The following CDKN2AIPNL variants were observed in gnomAD, a reference collection of about 807,000 sequenced individuals.
The protein encoded by CDKN2AIPNL is XRN2 binding domain containing 1.
Under a neutral mutation model 12.9 loss-of-function variants are expected in CDKN2AIPNL, and 9 were observed. That is an observed-to-expected ratio of 0.70 (90% CI 0.42 to 1.22). The LOEUF (loss-of-function observed/expected upper bound fraction) is 1.22, where lower values mean the gene tolerates loss of function less well. Among genes scored for constraint, CDKN2AIPNL ranks in the 50% most tolerant of loss-of-function variants. The pLI, the probability that CDKN2AIPNL is intolerant of heterozygous loss-of-function variation, is 0.00. For synonymous variants in CDKN2AIPNL, 53 were observed against 61.7 expected, an observed-to-expected ratio of 0.86 and a Z score of 0.66; for missense variants, 143 against 153.6, an observed-to-expected ratio of 0.93 and a Z score of 0.37.
chr5:134,403,537 A>G (rs1759058594), intron 2 of CDKN2AIPNL, among the ~76,000 whole-genome samples: 1 of 152,224 alleles, frequency 6.6e-6, no homozygotes, highest in South Asian at 2.1e-4. Flanking sequence ...TTTCCTTAAC[A>G]TTTAGCAGTG....
chr5:134,409,037 G>C (rs935071434), intron 2 of CDKN2AIPNL, among the ~76,000 whole-genome samples: 1 of 152,006 alleles, frequency 6.6e-6, no homozygotes, highest in East Asian at 1.9e-4. Context: ...TGTTTCTAAG[G>C]GCAGACCTAA....
intron 2 of CDKN2AIPNL, among the ~76,000 whole-genome samples, chr5:134,405,226 C>T (rs1455747688): frequency 6.6e-6 from 1 of 151,382 alleles, no homozygotes. Flanking sequence ...CTGCCTCAGC[C>T]TCCCGAGTAG....
chr5:134,408,665 A>G (rs890990884), intron 2 of CDKN2AIPNL, among the ~76,000 whole-genome samples: 1 of 152,116 alleles, frequency 6.6e-6, no homozygotes, highest in Non-Finnish European at 1.5e-5. Flanking sequence ...AGCCTGGGCG[A>G]CACAGGGAGA....
At chr5:134,408,569 C>T (rs1759142478) in intron 2 of CDKN2AIPNL, among the ~76,000 whole-genome samples, 1 of 150,682 alleles carries the variant, frequency 6.6e-6, no homozygotes, top group Non-Finnish European at 1.5e-5. Context: ...CCTGTAGTCC[C>T]AGCTACTCAG....
At position 134,402,700 on chromosome 5, in the gene CDKN2AIPNL, T is replaced by A. The variant is rs2149696565; in HGVS notation, c.*215A>T. 1 of 436,810 alleles carries A rather than the reference T, an allele frequency of 2.3e-6. No individual in the cohort carries two copies. Among genetic ancestry groups the A allele is most frequent in the Middle Eastern group, 6.1e-4 (1 of 1,634 alleles). 27.1% of individuals were successfully genotyped at this position (436,810 alleles called of 1,614,324 possible). On this transcript the variant is annotated 3_prime_UTR_variant, in exon 3 of 3. Coordinates refer to ENST00000458198, the MANE Select transcript of CDKN2AIPNL (RefSeq NM_080656.3). Reference sequence around the variant, plus strand: ...CATCTTAGAGTGCATGATTTATAAATACATAAATATCCATGCATACTTTTA... The same window carrying A: ...CATCTTAGAGTGCATGATTTATAAAAACATAAATATCCATGCATACTTTTA...
chr5:134,405,485 C>T (rs1424314535), intron 2 of CDKN2AIPNL, among the ~76,000 whole-genome samples: 2 of 151,680 alleles, frequency 1.3e-5, no homozygotes, highest in East Asian at 1.9e-4. Context: ...GACACGATCT[C>T]GGCTCACTGC....
chr5:134,406,899 C>A (rs545078593), intron 2 of CDKN2AIPNL, among the ~76,000 whole-genome samples: 1 of 152,244 alleles, frequency 6.6e-6, no homozygotes, highest in East Asian at 1.9e-4. Flanking sequence ...CTCTATGCAC[C>A]CTCTAAGTAT....
In CDKN2AIPNL at chr5:134,402,919, C is replaced by G; in HGVS notation, c.347G>C (p.Ser116Thr). The change falls in exon 3 of 3, where the codon AGC becomes ACC. Residue 116 changes from serine to threonine, a missense_variant. By Grantham distance (58) the Ser-to-Thr change is moderately conservative (BLOSUM62 1). Around this residue, in one of 3 missense-constraint regions of CDKN2AIPNL, gnomAD observed 111 missense variants for 111.4 expected, o/e 1.00. Transcript: ENST00000458198. ...TRSELMKKHQ[S>T] The stretch of plus-strand genomic sequence containing the variant: ...AAATGTGATAAATCTTCTGGCTTAG[C>G]TTTGATGCTGGGAAAAAAAGAAAAG... 1 of 1,607,980 alleles carries G rather than the reference C, an allele frequency of 6.2e-7. No individual in the cohort carries two copies. Among genetic ancestry groups the G allele is most frequent in the Non-Finnish European group, 8.5e-7 (1 of 1,179,148 alleles).
intron 2 of CDKN2AIPNL, 85 bp from the exon 3 acceptor site, chr5:134,403,011 A>G: frequency 8.7e-7 from 1 of 1,148,026 alleles, no homozygotes; most frequent in Non-Finnish European, 1.3e-6. Context: ...TATAGCAGTG[A>G]TGTAATATTT....
intron 2 of CDKN2AIPNL, among the ~76,000 whole-genome samples, chr5:134,408,848 T>C (rs1358900138): frequency 2.6e-5 from 4 of 152,134 alleles, no homozygotes; most frequent in African/African-American, 4.8e-5. Flanking sequence ...ACTAAAAGAA[T>C]ACTTTTTTAA....
chr5:134,411,515 TTCAG>T (rs1221496395), intron 1 of CDKN2AIPNL, 97 bp downstream of exon 1: 24 of 1,018,756 alleles, frequency 2.4e-5, no homozygotes, highest in Non-Finnish European at 3.5e-5. Context: ...TGGGCCCGGG[TTCAG>T]TCTGGGGCAG....
intron 1 of CDKN2AIPNL, 107 bp downstream of exon 1, chr5:134,411,509 C>G: frequency 2.1e-6 from 2 of 958,232 alleles, no homozygotes; most frequent in Non-Finnish European, 3.2e-6. Flanking sequence ...GGAGGTTGGG[C>G]CCGGGTTCAG....
intron 2 of CDKN2AIPNL, among the ~76,000 whole-genome samples, chr5:134,409,033 T>C (rs1189797267): frequency 6.6e-6 from 1 of 152,196 alleles, no homozygotes; most frequent in Non-Finnish European, 1.5e-5. Flanking sequence ...CCTATGTTTC[T>C]AAGGGCAGAC....
At chr5:134,405,777 T>A (rs1759094948) in intron 2 of CDKN2AIPNL, among the ~76,000 whole-genome samples, 1 of 152,182 alleles carries the variant, frequency 6.6e-6, no homozygotes, top group Non-Finnish European at 1.5e-5. Context: ...CAGAAAAAAA[T>A]GGACCACGTA....
At position 134,411,676 on chromosome 5, in the gene CDKN2AIPNL, C is replaced by A; in HGVS notation, c.179G>T (p.Arg60Leu). Residue 60 changes from arginine (R) to leucine (L), a missense_variant, in exon 1 of 3, where the codon CGC (arginine) becomes CTC (leucine). Transcript: ENST00000458198. ...GGAGAGGGAGAGCAGCTGGTCCAGG[C>A]GGCCACTGCCGTCGGGCGGGTCGCG... Reference protein sequence around the residue: ...DYRDPPDGSGRLDQLLSLSMV... With the variant: ...DYRDPPDGSGLLDQLLSLSMV... 3.7e-6 allele frequency: 6 copies of A among 1,612,840 alleles called. No individual in the cohort carries two copies. The highest frequency in any genetic ancestry group is 5.1e-6 in the Non-Finnish European group (6 of 1,179,698).
At position 134,402,572 on chromosome 5, in the gene CDKN2AIPNL, C is replaced by T. The variant is rs1017761362; in HGVS notation, c.*343G>A. On this transcript the variant is annotated 3_prime_UTR_variant, in exon 3 of 3. Transcript: ENST00000458198. Reference sequence around the variant, plus strand: ...AGTTCGAGGCTGCAATGAGCCAATACTGCACCTTTGTGCTTCTGCCTGGGC... The same window carrying T: ...AGTTCGAGGCTGCAATGAGCCAATATTGCACCTTTGTGCTTCTGCCTGGGC... 3.2e-5 allele frequency: 7 copies of T among 220,058 alleles called. No homozygotes were observed. The highest frequency in any genetic ancestry group is 1.6e-4 in the African/African-American group (7 of 43,910). 13.6% of individuals were successfully genotyped at this position (220,058 alleles called of 1,614,324 possible).
At chr5:134,411,494 C>T (rs1237695540) in intron 1 of CDKN2AIPNL, 122 bp downstream of exon 1, 8 of 789,140 alleles carry the variant, frequency 1.0e-5, no homozygotes, top group Non-Finnish European at 1.5e-5. Flanking sequence ...CCGACCAATG[C>T]GGATGGAGGT....
chr5:134,409,760 T>C (rs1759162548), intron 2 of CDKN2AIPNL, 143 bp downstream of exon 2: 6 of 517,846 alleles, frequency 1.2e-5, no homozygotes, highest in Non-Finnish European at 2.1e-5. Context: ...TTATACCAAT[T>C]ATGGGGAAAT....
chr5:134,405,371 C>T (rs1340504117), intron 2 of CDKN2AIPNL, among the ~76,000 whole-genome samples: 1 of 150,456 alleles, frequency 6.6e-6, no homozygotes, highest in Non-Finnish European at 1.5e-5. Flanking sequence ...TCCCAAAGTG[C>T]TGGGATTACA....
Sources: allele counts gnomAD v4.1 joint callset (sites outside exome capture counted in the v4.1 genomes callset), GRCh38; gene constraint gnomAD v4.1.1; regional missense constraint gnomAD v4.1.1; transcripts MANE v1.5; gene names NCBI Gene and HGNC (gene_info 2026-07-23, HGNC 2026-07-21).